The following UBE2QL1 variants were observed in gnomAD, a reference collection of about 807,000 sequenced individuals.
UBE2QL1 encodes ubiquitin conjugating enzyme E2 QL1.
A neutral mutation model predicts 12.6 loss-of-function variants in UBE2QL1; 5 were observed. The ratio of observed to expected loss-of-function variants is 0.40; its 90% CI spans 0.21 to 0.83. The LOEUF is 0.83. Among genes scored for constraint, UBE2QL1 ranks in the 40% least tolerant of loss-of-function variants. The probability of loss-of-function intolerance (pLI) is 0.37; values close to 1 mark genes in which losing one functional copy is unlikely to be tolerated. For missense variants in UBE2QL1, 99 were observed against 222.6 expected (o/e 0.44, Z 3.53); for synonymous variants, 96 against 94.5 (o/e 1.02, Z -0.10).
chr5:6,491,136 C>G, intron 1 of UBE2QL1, 82 bp from the exon 2 acceptor site: 1 of 1,420,358 alleles, frequency 7.0e-7, no homozygotes, highest in Non-Finnish European at 9.4e-7. Flanking sequence ...ATCCCCACGA[C>G]TCTGTGTGTT....
chr5:6,476,754 A>G lies in UBE2QL1; in HGVS notation c.355-14464A>G, dbSNP rs953511629. On this transcript the variant is annotated intron_variant, in intron 1 of 1. Coordinates refer to ENST00000399816, the MANE Select transcript of UBE2QL1 (RefSeq NM_001145161.3). This position sits in a 1 kb window ranked among gnomAD's most constrained non-coding sequence, Gnocchi z 4.9. ...ATGAGAGATGCCCACTTGCTAATTAATGGGTTTCTTCACAGGAAAATGTAG... is the reference window on the plus strand; with the variant it reads ...ATGAGAGATGCCCACTTGCTAATTAGTGGGTTTCTTCACAGGAAAATGTAG... Among the ~76,000 whole-genome samples, 2 of 152,132 alleles carry G rather than the reference A, an allele frequency of 1.3e-5. No homozygotes were observed. Among genetic ancestry groups the G allele is most frequent in the Admixed American group, 6.5e-5 (1 of 15,276 alleles).
At chr5:6,465,254 T>G (rs1739761656) in intron 1 of UBE2QL1, among the ~76,000 whole-genome samples, 1 of 152,210 alleles carries the variant, frequency 6.6e-6, no homozygotes, top group East Asian at 1.9e-4. Flanking sequence ...CCCAAAGTGC[T>G]GGGATAACAA....
rs1491488586 is a variant in UBE2QL1 at position 6,450,087 on chromosome 5, C to CCCA, written c.354+842_354+843insACC. ...CATTCCCTTAAGAGACAAGACCAGA[C>CCCA]CCCCCCCCCCCACGGCAATGCCTGT... On this transcript the variant is annotated intron_variant, in intron 1 of 1. Transcript: ENST00000399816. Among the ~76,000 whole-genome samples the CCCA allele has an allele frequency of 3.7e-3, 332 of 89,180 alleles. 4 individuals are homozygous for CCCA. The highest frequency in any genetic ancestry group is 0.015 in the South Asian group (22 of 1,500). The allele number at this position is 89,180 out of a possible 152,430, so 58.5% of individuals were successfully genotyped here.
At position 6,479,205 on chromosome 5, in the gene UBE2QL1, C is replaced by T. The variant is rs747685208; in HGVS notation, c.355-12013C>T. Among the ~76,000 whole-genome samples the T allele has an allele frequency of 1.3e-5, 2 of 152,004 alleles. No individual in the cohort carries two copies. Among genetic ancestry groups the T allele is most frequent in the Non-Finnish European group, 2.9e-5 (2 of 68,012 alleles). ...AGGGCGAAAGTGAGAATTAAGCCAC[C>T]GAGAATGGGTGGGCTGAGATAGCGA... On this transcript the variant is annotated intron_variant, in intron 1 of 1. Transcript: ENST00000399816. This position sits in a 1 kb window ranked among gnomAD's most constrained non-coding sequence, Gnocchi z 4.2.
intron 1 of UBE2QL1, among the ~76,000 whole-genome samples, chr5:6,484,459 C>T (rs1256680517): frequency 6.6e-6 from 1 of 152,190 alleles, no homozygotes; most frequent in Non-Finnish European, 1.5e-5. Flanking sequence ...TCTCGGGAGT[C>T]CTTGATTCGA....
chr5:6,454,474 A>G (rs1271474104), intron 1 of UBE2QL1, among the ~76,000 whole-genome samples: 5 of 152,116 alleles, frequency 3.3e-5, no homozygotes, highest in African/African-American at 4.8e-5. Flanking sequence ...AAATAAGGTC[A>G]CCCTCTGAGG....
rs540016029 is a variant in UBE2QL1 at position 6,482,362 on chromosome 5, G to A, written c.355-8856G>A. ...CTAAGGCACCTCCCATCCCTGCCTC[G>A]CCCACCTCCACCCCCCAGCAAGCTC... On this transcript the variant is annotated intron_variant, in intron 1 of 1. Coordinates refer to ENST00000399816, the MANE Select transcript of UBE2QL1 (RefSeq NM_001145161.3). Among the ~76,000 whole-genome samples, 12 of 152,086 alleles carry A rather than the reference G, an allele frequency of 7.9e-5. 1 individual carries two copies. The highest frequency in any genetic ancestry group is 6.3e-4 in the South Asian group (3 of 4,800).
At chr5:6,452,259 C>T (rs188553481) in intron 1 of UBE2QL1, among the ~76,000 whole-genome samples, 17 of 152,256 alleles carry the variant, frequency 1.1e-4, no homozygotes, top group African/African-American at 3.4e-4. Context: ...TCAGTCATTT[C>T]GTGAGGCTTT....
rs1357692595 is a variant in UBE2QL1, at chr5:6,478,904, C to CTGAT, written c.355-12313_355-12310dup. ...GGAGAGTGGGTGCCCATCGGTGCAT[C>CTGAT]TGATCTCCCTGGCACCCCTCCACTC... On this transcript the variant is annotated intron_variant, in intron 1 of 1. Coordinates refer to ENST00000399816, the MANE Select transcript of UBE2QL1 (RefSeq NM_001145161.3). The surrounding 1 kb of genome is among the most constrained non-coding windows in gnomAD (Gnocchi z 4.5). Among the ~76,000 whole-genome samples the CTGAT allele has an allele frequency of 6.6e-6, 1 of 152,144 alleles. No homozygotes were observed. Among genetic ancestry groups the CTGAT allele is most frequent in the Non-Finnish European group, 1.5e-5 (1 of 68,014 alleles).
At chr5:6,477,468 A>C (rs1324236953) in intron 1 of UBE2QL1, among the ~76,000 whole-genome samples, 2 of 152,126 alleles carry the variant, frequency 1.3e-5, no homozygotes, top group African/African-American at 2.4e-5. Flanking sequence ...GAGGCCCTAC[A>C]ACCACCACCC....
intron 1 of UBE2QL1, among the ~76,000 whole-genome samples, chr5:6,449,870 C>CT (rs1053119981): frequency 6.9e-6 from 1 of 145,176 alleles, no homozygotes; most frequent in East Asian, 2.0e-4. Flanking sequence ...CCTCCCCAAC[C>CT]CCCCCCACAC....
intron 1 of UBE2QL1, among the ~76,000 whole-genome samples, chr5:6,472,481 A>G (rs1739934187): frequency 6.6e-6 from 1 of 152,124 alleles, no homozygotes; most frequent in Non-Finnish European, 1.5e-5. Flanking sequence ...GCCCCTTGAC[A>G]GGACCCTAGA....
At chr5:6,467,657 C>T (rs756285690) in intron 1 of UBE2QL1, among the ~76,000 whole-genome samples, 1 of 7,384 alleles carries the variant, frequency 1.4e-4, no homozygotes, top group South Asian at 0.17. Context: ...TTTCCAAGCA[C>T]GTATGAGTTT....
chr5:6,473,868 T>C (rs888083211), intron 1 of UBE2QL1, among the ~76,000 whole-genome samples: 8 of 152,238 alleles, frequency 5.3e-5, no homozygotes, highest in Admixed American at 4.6e-4. Context: ...ATTGTTCTTA[T>C]GCCATTTAAA....
rs749256998 is a variant in UBE2QL1, at chr5:6,479,304, C to A, written c.355-11914C>A. On this transcript the variant is annotated intron_variant, in intron 1 of 1. Transcript: ENST00000399816. The surrounding 1 kb of genome is among the most constrained non-coding windows in gnomAD (Gnocchi z 4.2). ...AAAAACATGGAACGCTGAGGAAGAC[C>A]AACTGTGCAGGGAAAAGAGCTGGCC... Among the ~76,000 whole-genome samples, 103 of 151,992 alleles carry A rather than the reference C, an allele frequency of 6.8e-4. 4 individuals are homozygous for A. Among genetic ancestry groups the A allele is most frequent in the South Asian group, 1.9e-3 (9 of 4,794 alleles).
At position 6,479,779 on chromosome 5, in the gene UBE2QL1, C is replaced by G. The variant is rs1734321297; in HGVS notation, c.355-11439C>G. Among the ~76,000 whole-genome samples, 1 of 152,228 alleles carries G rather than the reference C, an allele frequency of 6.6e-6. No individual in the cohort carries two copies. Among genetic ancestry groups the G allele is most frequent in the Non-Finnish European group, 1.5e-5 (1 of 68,048 alleles). ...CTGGTCCTGGCCAAAATGACAAACACAGACTGCCCCCATCATCTCGGGACA... is the reference window on the plus strand; with the variant it reads ...CTGGTCCTGGCCAAAATGACAAACAGAGACTGCCCCCATCATCTCGGGACA... On this transcript the variant is annotated intron_variant, in intron 1 of 1. Transcript: ENST00000399816. The surrounding 1 kb of genome is among the most constrained non-coding windows in gnomAD (Gnocchi z 4.2).
At chr5:6,451,352 C>T (rs969000900) in intron 1 of UBE2QL1, among the ~76,000 whole-genome samples, 4 of 151,932 alleles carry the variant, frequency 2.6e-5, no homozygotes, top group East Asian at 3.9e-4. Flanking sequence ...ATATGCCAAG[C>T]GGCAATATAG....
chr5:6,485,179 C>A (rs1336052302), intron 1 of UBE2QL1, among the ~76,000 whole-genome samples: 1 of 151,960 alleles, frequency 6.6e-6, no homozygotes, highest in Non-Finnish European at 1.5e-5. Context: ...ACACACACAC[C>A]CCCAGGCTCA....
intron 1 of UBE2QL1, among the ~76,000 whole-genome samples, chr5:6,477,772 G>C (rs1478874369): frequency 6.6e-6 from 1 of 152,186 alleles, no homozygotes; most frequent in African/African-American, 2.4e-5. Context: ...AGACCAAGTG[G>C]GCTGTTGACC....
Sources: gnomAD v4.1 joint callset for allele counts (sites outside exome capture counted in the v4.1 genomes callset) on GRCh38, gnomAD v4.1.1 for gene constraint, Gnocchi (gnomAD v3.1) non-coding constraint, MANE v1.5 for transcripts, NCBI Gene and HGNC (gene_info 2026-07-23, HGNC 2026-07-21) for gene names.